Variants in SYTL3 observed in about 807,000 individuals in gnomAD.
SYTL3 encodes the protein synaptotagmin like 3, also known as synaptotagmin-like protein 3.
Under a neutral mutation model 82.1 loss-of-function variants are expected in SYTL3, and 88 were observed. That is an observed-to-expected ratio of 1.07 (90% CI 0.90 to 1.28). The LOEUF (loss-of-function observed/expected upper bound fraction) is 1.28, where lower values mean the gene tolerates loss of function less well. Among genes scored for constraint, SYTL3 ranks in the 50% most tolerant of loss-of-function variants. SYTL3 has a pLI of 0.00. For synonymous variants in SYTL3, 311 were observed against 289.4 expected, an observed-to-expected ratio of 1.07 and a Z score of -0.76; for missense variants, 831 against 757.6, an observed-to-expected ratio of 1.10 and a Z score of -1.14.
intron 11 of SYTL3, among the ~76,000 whole-genome samples, chr6:158,739,999 T>TTC (rs1375939516): frequency 1.5e-5 from 2 of 137,776 alleles, no homozygotes; most frequent in African/African-American, 5.2e-5. Context: ...ACTTACTTTT[T>TTC]TTTTTTTTTT....
In SYTL3 at chr6:158,745,631, G is replaced by A. The variant is rs769361977; in HGVS notation, c.1007G>A (p.Gly336Glu). The change falls in exon 12 of 18, where the codon GGA (glycine) becomes GAA (glutamate). Residue 336 changes from glycine to glutamate, a missense_variant. By Grantham distance (98) the Gly-to-Glu change is moderately conservative (BLOSUM62 -2). Transcript: ENST00000611299. The stretch of plus-strand genomic sequence containing the variant: ...AAGGCCTGTAAGAACCTTGCCTATG[G>A]AGAAGAAAAGAAGAAAAAGTGCAAT... Reference protein sequence around the residue: ...CIKACKNLAYGEEKKKKCNPY... With the variant: ...CIKACKNLAYEEEKKKKCNPY... The A allele has an allele frequency of 2.6e-5, 42 of 1,601,330 alleles. No homozygotes were observed. The South Asian group carries it at 4.6e-4, about 18-fold the overall frequency.
chr6:158,674,627 G>A (rs762292116), intron 5 of SYTL3, among the ~76,000 whole-genome samples: 12 of 152,284 alleles, frequency 7.9e-5, no homozygotes, highest in South Asian at 4.1e-4. Flanking sequence ...AGGTCTACAG[G>A]GAGAGGACAG....
intron 8 of SYTL3, among the ~76,000 whole-genome samples, chr6:158,710,235 A>C (rs1298189075): frequency 6.6e-6 from 1 of 152,234 alleles, no homozygotes. Flanking sequence ...AGAAATACAC[A>C]TTACTATGGC....
At chr6:158,655,339 C>T (rs1176960245) in intron 2 of SYTL3, among the ~76,000 whole-genome samples, 5 of 152,092 alleles carry the variant, frequency 3.3e-5, no homozygotes, top group Admixed American at 6.6e-5. Flanking sequence ...AGTTTGACAT[C>T]GGAGTAAATC....
chr6:158,743,625 T>TTTTTG (rs1787219079), intron 11 of SYTL3, among the ~76,000 whole-genome samples: 3 of 137,918 alleles, frequency 2.2e-5, no homozygotes, highest in Admixed American at 7.1e-5. Context: ...TTTTTTTTTT[T>TTTTTG]GGTAGAGATG....
At chr6:158,759,036 G>A (rs1789542381) in intron 14 of SYTL3, among the ~76,000 whole-genome samples, 1 of 152,156 alleles carries the variant, frequency 6.6e-6, no homozygotes, top group African/African-American at 2.4e-5. Flanking sequence ...TTTCCAGCCT[G>A]AACTCCTTCT....
intron 6 of SYTL3, among the ~76,000 whole-genome samples, chr6:158,686,027 A>T (rs1026569530): frequency 6.6e-6 from 1 of 152,170 alleles, no homozygotes; most frequent in African/African-American, 2.4e-5. Flanking sequence ...TTCTAGCATC[A>T]TTATTTCAGG....
intron 10 of SYTL3, among the ~76,000 whole-genome samples, chr6:158,719,087 G>A (rs144073295): frequency 1.8e-4 from 27 of 152,296 alleles, no homozygotes; most frequent in Middle Eastern, 3.4e-3. Context: ...CCTGTTCTGC[G>A]CACAGCACAA....
In SYTL3 at chr6:158,718,148, G is replaced by T. The variant is rs1783640259; in HGVS notation, c.657G>T (p.Arg219Ser). The T allele has an allele frequency of 6.5e-7, 1 of 1,546,514 alleles. No homozygotes were observed. The highest frequency in any genetic ancestry group is 8.7e-7 in the Non-Finnish European group (1 of 1,145,028). The change falls in exon 10 of 18, where the codon AGG becomes AGT. Residue 219 changes from arginine to serine, a missense_variant. Arg to Ser is a moderately radical substitution (Grantham distance 110). Coordinates refer to ENST00000611299, the MANE Select transcript of SYTL3 (RefSeq NM_001242394.2). ...AGCATCTTCTCGCCACGGGCCCCAG[G>T]CAGTGTGTGGGACAGACAGAGAGAC... is the stretch of plus-strand genomic sequence containing the variant. ...SEKHLLATGP[R>S]QCVGQTERRS...
chr6:158,718,083 T>C lies in SYTL3; in HGVS notation c.596-4T>C, dbSNP rs555349485. On this transcript the variant is annotated splice_polypyrimidine_tract_variant and splice_region_variant and intron_variant, in intron 9 of 17. Coordinates refer to ENST00000611299, the MANE Select transcript of SYTL3 (RefSeq NM_001242394.2). ...ACCCATCAACCCTTGTGTTTGCCTTTTAGAGCTCTCCAAATCCCAGAATGA... is the reference window on the plus strand; with the variant it reads ...ACCCATCAACCCTTGTGTTTGCCTTCTAGAGCTCTCCAAATCCCAGAATGA... 2 of 1,527,136 alleles carry C rather than the reference T, an allele frequency of 1.3e-6. No homozygotes were observed. Among genetic ancestry groups the C allele is most frequent in the Middle Eastern group, 3.4e-4 (2 of 5,876 alleles). The allele number at this position is 1,527,136 out of a possible 1,614,324, so 94.6% of individuals were successfully genotyped here.
At chr6:158,715,348 C>T (rs964729829) in intron 9 of SYTL3, among the ~76,000 whole-genome samples, 4 of 152,202 alleles carry the variant, frequency 2.6e-5, no homozygotes, top group East Asian at 1.9e-4. Flanking sequence ...GGGACACACA[C>T]GTCAGCACAC....
intron 12 of SYTL3, among the ~76,000 whole-genome samples, chr6:158,749,323 G>A (rs1788062326): frequency 6.8e-6 from 1 of 147,568 alleles, no homozygotes; most frequent in Admixed American, 6.7e-5. Flanking sequence ...AGCCCAGGAG[G>A]GCTGTGATTG....
chr6:158,760,450 G>A (rs148012129), intron 14 of SYTL3, among the ~76,000 whole-genome samples, 190 bp from the exon 15 acceptor site: 285 of 152,278 alleles, frequency 1.9e-3, no homozygotes, highest in African/African-American at 6.6e-3. Context: ...CCATGCTGGG[G>A]TTGGGGAGGG....
chr6:158,672,941 G>GT (rs1465754723), intron 5 of SYTL3, among the ~76,000 whole-genome samples: 1 of 151,628 alleles, frequency 6.6e-6, no homozygotes, highest in East Asian at 1.9e-4. Flanking sequence ...CACCTAGTTA[G>GT]TTTTTTTAGA....
At chr6:158,661,606 T>C (rs566302100) in intron 3 of SYTL3, among the ~76,000 whole-genome samples, 20 of 152,374 alleles carry the variant, frequency 1.3e-4, no homozygotes, top group African/African-American at 4.1e-4. Flanking sequence ...ATTGAATTCC[T>C]GAACTGAGCA....
chr6:158,717,486 A>G (rs1368725141), intron 9 of SYTL3, among the ~76,000 whole-genome samples: 3 of 152,112 alleles, frequency 2.0e-5, no homozygotes, highest in African/African-American at 4.8e-5. Flanking sequence ...ACTATCTTCA[A>G]GGTGGTTCTC....
intron 10 of SYTL3, among the ~76,000 whole-genome samples, chr6:158,721,444 C>G (rs1377445153): frequency 1.3e-5 from 2 of 151,442 alleles, no homozygotes; most frequent in African/African-American, 4.9e-5. Flanking sequence ...CTCCTGGGCT[C>G]AAGCAATCCT....
chr6:158,700,575 ATTG>A (rs199771498), intron 6 of SYTL3, among the ~76,000 whole-genome samples: 1 of 112,528 alleles, frequency 8.9e-6, no homozygotes, highest in Non-Finnish European at 2.0e-5. Context: ...GCTTCCTGCT[ATTG>A]TTAAAATAGT....
chr6:158,676,177 A>G (rs1392210672), intron 5 of SYTL3, among the ~76,000 whole-genome samples: 1 of 152,226 alleles, frequency 6.6e-6, no homozygotes, highest in East Asian at 1.9e-4. Context: ...ACAGTAACCA[A>G]AACAACATGG....
Sources: allele counts gnomAD v4.1 joint callset (sites outside exome capture counted in the v4.1 genomes callset), GRCh38; gene constraint gnomAD v4.1.1; transcripts MANE v1.5; gene names NCBI Gene and HGNC (gene_info 2026-07-23, HGNC 2026-07-21).